Variants in AGBL1 observed in about 807,000 individuals in gnomAD.
AGBL1 encodes cytosolic carboxypeptidase 4.
In AGBL1, 130 loss-of-function variants were observed where a neutral mutation model predicts 118.9. The ratio of observed to expected loss-of-function variants is 1.09; its 90% confidence interval spans 0.95 to 1.26. The LOEUF (loss-of-function observed/expected upper bound fraction) is 1.26. AGBL1 is among the 50% of genes most tolerant of loss of function. The probability of loss-of-function intolerance (pLI) is 0.00; values close to 1 mark genes in which losing one functional copy is unlikely to be tolerated. For synonymous variants in AGBL1, 555 were observed against 478.9 expected, an observed-to-expected ratio of 1.16 and a Z score of -2.08; for missense variants, 1,584 against 1,298.1, an observed-to-expected ratio of 1.22 and a Z score of -3.38.
Position 86,730,661 on chromosome 15 carries a change from T to A in AGBL1, c.3158+56225T>A, listed in dbSNP as rs114372575. On this transcript the variant is annotated intron_variant, in intron 22 of 22. Coordinates refer to ENST00000614907, the MANE Select transcript of AGBL1 (RefSeq NM_001386094.1). ...ATGTTTCTGGACATGAAATTCTTCATTTGTCATCTGGCAATAATGATAGTT... is the reference window on the plus strand; with the variant it reads ...ATGTTTCTGGACATGAAATTCTTCAATTGTCATCTGGCAATAATGATAGTT... Among the ~76,000 whole-genome samples the A allele has an allele frequency of 9.4e-3, 1,438 of 152,256 alleles. 24 individuals are homozygous for A. Among genetic ancestry groups the A allele is most frequent in the African/African-American group, 0.032 (1,325 of 41,538 alleles).
rs2141593016 is a variant in AGBL1, at chr15:86,907,153, T to C, written c.3225T>C (p.Ile1075=). 6.6e-6 allele frequency: 1 copy of C among 152,312 alleles called. No homozygotes were observed. Among genetic ancestry groups the C allele is most frequent in the Non-Finnish European group, 1.5e-5 (1 of 68,134 alleles). 9.4% of individuals were successfully genotyped at this position (152,312 alleles called of 1,614,324 possible). The change falls in exon 23 of 23, where the codon ATT becomes ATC. Residue 1075 remains isoleucine, a synonymous_variant. Coordinates refer to ENST00000614907, the MANE Select transcript of AGBL1 (RefSeq NM_001386094.1). ...ATGAACCTGCCTGCTTGGAGGAGAT[T>C]GATTACAGTACCGACAACAGCTCAG... ...LEDEPACLEE[I]DYSTDNSSDQ... is the part of the protein sequence containing the mutation.
In AGBL1 at chr15:86,880,004, A is replaced by G. The variant is rs115031314; in HGVS notation, c.3159-27083A>G. On this transcript the variant is annotated intron_variant, in intron 22 of 22. Transcript: ENST00000614907. The stretch of plus-strand genomic sequence containing the variant: ...GATGCTTAAAAAGGAAAGAGAAGCA[A>G]TGTGTTAACCTTGGCCTGAGACTAG... Among the ~76,000 whole-genome samples, 1,324 of 152,264 alleles carry G rather than the reference A, an allele frequency of 8.7e-3. 26 individuals carry two copies. The highest frequency in any genetic ancestry group is 0.03 in the African/African-American group (1,254 of 41,548).
At chr15:86,808,670 C>T (rs796073574) in intron 22 of AGBL1, among the ~76,000 whole-genome samples, 2 of 142,374 alleles carry the variant, frequency 1.4e-5, no homozygotes, top group South Asian at 2.2e-4. Context: ...TTCCTCCTTC[C>T]TTTTCTTTCC....
chr15:86,949,235 G>A (rs2080854836), intron 23 of AGBL1, among the ~76,000 whole-genome samples: 1 of 152,134 alleles, frequency 6.6e-6, no homozygotes, highest in South Asian at 2.1e-4. Flanking sequence ...GCAGACCCAT[G>A]TTCCTATTAG....
At chr15:86,776,842 A>G (rs2078264071) in intron 22 of AGBL1, among the ~76,000 whole-genome samples, 2 of 151,518 alleles carry the variant, frequency 1.3e-5, no homozygotes, top group African/African-American at 2.4e-5. Flanking sequence ...TTTTTTTAAA[A>G]AATCAACTTT....
intron 22 of AGBL1, among the ~76,000 whole-genome samples, chr15:86,859,183 T>A (rs1054609443): frequency 1.3e-5 from 2 of 152,190 alleles, no homozygotes; most frequent in Non-Finnish European, 2.9e-5. Context: ...TATATGAGTC[T>A]AGCTGTGATA....
chr15:86,263,468 T>C (rs1350146621), intron 10 of AGBL1, among the ~76,000 whole-genome samples: 1 of 152,228 alleles, frequency 6.6e-6, no homozygotes, highest in Non-Finnish European at 1.5e-5. Context: ...AATGCATGAC[T>C]GTAGCATGAA....
chr15:86,625,387 T>G (rs997745367), intron 21 of AGBL1, among the ~76,000 whole-genome samples: 5 of 96,474 alleles, frequency 5.2e-5, no homozygotes, highest in Non-Finnish European at 1.1e-4. Flanking sequence ...TTGTTTTTGT[T>G]TTTTTTTTTT....
At position 86,827,506 on chromosome 15, in the gene AGBL1, T is replaced by C. The variant is rs1356874214; in HGVS notation, c.3159-79581T>C. Among the ~76,000 whole-genome samples, 8 of 63,578 alleles carry C rather than the reference T, an allele frequency of 1.3e-4. 2 individuals carry two copies. Among genetic ancestry groups the C allele is most frequent in the Admixed American group, 2.0e-4 (1 of 5,042 alleles). The allele number at this position is 63,578 out of a possible 152,430, so 41.7% of individuals were successfully genotyped here. On this transcript the variant is annotated intron_variant, in intron 22 of 22. Coordinates refer to ENST00000614907, the MANE Select transcript of AGBL1 (RefSeq NM_001386094.1). The stretch of plus-strand genomic sequence containing the variant: ...ATATGTGTGTATATATATATATATA[T>C]ATATATATATATATAGCCTGTGGTT...
At chr15:86,986,975 AGTT>A (rs201120666) in intron 23 of AGBL1, among the ~76,000 whole-genome samples, 5,180 of 151,404 alleles carry the variant, frequency 0.034, 126 homozygotes, top group Middle Eastern at 0.068. Context: ...CAAAGGGGGG[AGTT>A]GTTCTCAGGC....
chr15:86,683,755 T>C (rs1390827952), intron 22 of AGBL1, among the ~76,000 whole-genome samples: 1 of 152,184 alleles, frequency 6.6e-6, no homozygotes, highest in African/African-American at 2.4e-5. Context: ...TCCCAGCCCT[T>C]GTCTTTTGTT....
intron 22 of AGBL1, among the ~76,000 whole-genome samples, chr15:86,766,652 A>G (rs2078101151): frequency 1.3e-5 from 2 of 151,788 alleles, no homozygotes; most frequent in African/African-American, 4.8e-5. Flanking sequence ...TTGTCCATTT[A>G]TTCTTTTGTC....
intron 17 of AGBL1, among the ~76,000 whole-genome samples, chr15:86,303,252 G>A (rs961967176): frequency 6.6e-6 from 1 of 152,150 alleles, no homozygotes; most frequent in South Asian, 2.1e-4. Context: ...GCTTAGAAGG[G>A]TGTCTCCCAC....
chr15:86,501,395 G>A (rs2082915875), intron 18 of AGBL1, among the ~76,000 whole-genome samples: 1 of 151,374 alleles, frequency 6.6e-6, no homozygotes, highest in African/African-American at 2.4e-5. Flanking sequence ...CCCATTCTGT[G>A]GGGTGTCTTT....
intron 22 of AGBL1, among the ~76,000 whole-genome samples, chr15:86,676,604 C>T (rs1476811655): frequency 2.0e-5 from 3 of 152,056 alleles, no homozygotes; most frequent in African/African-American, 7.2e-5. Context: ...TATTGTAATA[C>T]AAAGAGTGTA....
Position 86,526,452 on chromosome 15 carries a change from G to T in AGBL1, c.2685+3513G>T, listed in dbSNP as rs545867282. Among the ~76,000 whole-genome samples the T allele has an allele frequency of 3.5e-3, 522 of 150,530 alleles. 4 individuals carry two copies. Among genetic ancestry groups the T allele is most frequent in the African/African-American group, 0.012 (501 of 41,094 alleles). On this transcript the variant is annotated intron_variant, in intron 19 of 22. Coordinates refer to ENST00000614907, the MANE Select transcript of AGBL1 (RefSeq NM_001386094.1). ...GCAGCATAATTCATAATTGCCCAAA[G>T]ATATGGAATCAACCTAAGTCCCCAT...
intron 1 of AGBL1, among the ~76,000 whole-genome samples, chr15:86,089,939 G>A (rs906463275): frequency 6.6e-6 from 1 of 152,178 alleles, no homozygotes; most frequent in Non-Finnish European, 1.5e-5. Context: ...TGCAGAAGAG[G>A]TTAAGATGAT....
intron 1 of AGBL1, among the ~76,000 whole-genome samples, chr15:86,103,575 G>C (rs1489436036): frequency 6.6e-6 from 1 of 152,178 alleles, no homozygotes; most frequent in Non-Finnish European, 1.5e-5. Flanking sequence ...GCTTCTGGGT[G>C]TGTGCAGTAG....
At chr15:86,476,165 G>T (rs2082555927) in intron 18 of AGBL1, among the ~76,000 whole-genome samples, 1 of 152,164 alleles carries the variant, frequency 6.6e-6, no homozygotes, top group African/African-American at 2.4e-5. Context: ...GGAAGAAACT[G>T]CATCAACTAA....
Sources: gnomAD v4.1 joint callset for allele counts (sites outside exome capture counted in the v4.1 genomes callset) on GRCh38, gnomAD v4.1.1 for gene constraint, MANE v1.5 for transcripts, NCBI Gene and HGNC (gene_info 2026-07-23, HGNC 2026-07-21) for gene names.